The following CEP128 variants were observed in gnomAD, a reference collection of about 807,000 sequenced individuals.
The protein encoded by CEP128 is centrosomal protein 128, also known as centrosomal protein 128kDa.
CEP128 carries 132 observed loss-of-function variants against 156.7 expected under a neutral mutation model. That is an observed-to-expected ratio of 0.84 (90% CI 0.73 to 0.97). The LOEUF is 0.97. Ranked by LOEUF, CEP128 falls within the 50% of genes least tolerant of loss-of-function variation. The pLI is 0.00. For missense variants in CEP128, 1,252 were observed against 1,281.9 expected, an observed-to-expected ratio of 0.98 and a Z score of 0.36; for synonymous variants, 469 against 448.9, an observed-to-expected ratio of 1.04 and a Z score of -0.57.
chr14:80,830,754 C>T (rs1271108403), intron 13 of CEP128: 1 of 195,662 alleles, frequency 5.1e-6, no homozygotes, highest in African/African-American at 2.4e-5. Flanking sequence ...ATTGGTAACA[C>T]CTTTTCACTA....
intron 19 of CEP128, among the ~76,000 whole-genome samples, chr14:80,597,993 T>C (rs1053261375): frequency 3.4e-5 from 5 of 145,082 alleles, no homozygotes; most frequent in Non-Finnish European, 7.5e-5. Flanking sequence ...GCTAGCATTA[T>C]GCTAAATGGT....
chr14:80,932,592 C>T lies in CEP128; in HGVS notation c.-16+6793G>A, dbSNP rs182379143. Among the ~76,000 whole-genome samples, 1,279 of 152,174 alleles carry T rather than the reference C, an allele frequency of 8.4e-3. 14 individuals carry two copies. Among genetic ancestry groups the T allele is most frequent in the Non-Finnish European group, 0.01 (693 of 68,012 alleles). On this transcript the variant is annotated intron_variant, in intron 2 of 24. Transcript: ENST00000555265. ...AAATGAGACTACAGAGTAGAATGGACGTAAGCAACACACTTTGGGTGTCAC... is the reference window on the plus strand; with the variant it reads ...AAATGAGACTACAGAGTAGAATGGATGTAAGCAACACACTTTGGGTGTCAC...
At chr14:80,649,163 T>G (rs113157655) in intron 19 of CEP128, among the ~76,000 whole-genome samples, 2 of 151,274 alleles carry the variant, frequency 1.3e-5, no homozygotes. Flanking sequence ...TGAACAGGAG[T>G]GGGGAGAAGA....
At chr14:80,567,490 A>G (rs1890964098) in intron 20 of CEP128, among the ~76,000 whole-genome samples, 1 of 152,210 alleles carries the variant, frequency 6.6e-6, no homozygotes, top group South Asian at 2.1e-4. Context: ...TGAAACTGAC[A>G]CCAAAAATTC....
chr14:80,919,672 CT>C (rs1227382973), intron 2 of CEP128, among the ~76,000 whole-genome samples: 1 of 152,020 alleles, frequency 6.6e-6, no homozygotes, highest in Non-Finnish European at 1.5e-5. Flanking sequence ...GAATTTAACT[CT>C]AAAGCAGAAA....
intron 9 of CEP128, among the ~76,000 whole-genome samples, chr14:80,857,726 C>T (rs1240034702): frequency 6.7e-6 from 1 of 148,684 alleles, no homozygotes; most frequent in East Asian, 1.9e-4. Context: ...AACAGAGTGA[C>T]CCCATCTCAA....
At chr14:80,547,020 G>A (rs1890014040) in intron 21 of CEP128, among the ~76,000 whole-genome samples, 1 of 152,120 alleles carries the variant, frequency 6.6e-6, no homozygotes, top group Admixed American at 6.5e-5. Context: ...TTTAATAAAA[G>A]CTCTAAACAA....
At chr14:80,512,884 C>T (rs145668619) in intron 23 of CEP128, among the ~76,000 whole-genome samples, 1 of 152,184 alleles carries the variant, frequency 6.6e-6, no homozygotes, top group East Asian at 1.9e-4. Flanking sequence ...ACCCCTCCCA[C>T]TTTTAAATTT....
chr14:80,580,478 C>G (rs1384562571), intron 19 of CEP128, 55 bp from the exon 20 acceptor site: 12 of 786,294 alleles, frequency 1.5e-5, no homozygotes, highest in Non-Finnish European at 2.2e-5. Flanking sequence ...CGAGTTGCCT[C>G]TTATCATCAA....
chr14:80,549,174 G>A (rs1890110683), intron 21 of CEP128, among the ~76,000 whole-genome samples: 1 of 152,188 alleles, frequency 6.6e-6, no homozygotes, highest in South Asian at 2.1e-4. Context: ...GATCCCTCAT[G>A]AGAGATTCAT....
chr14:80,578,070 A>G (rs1173488125), intron 20 of CEP128, among the ~76,000 whole-genome samples: 2 of 152,162 alleles, frequency 1.3e-5, no homozygotes, highest in Non-Finnish European at 1.5e-5. Context: ...CTTACCTATG[A>G]CAAACAAGGA....
At chr14:80,812,980 C>T (rs1488882626) in intron 13 of CEP128, among the ~76,000 whole-genome samples, 1 of 152,116 alleles carries the variant, frequency 6.6e-6, no homozygotes, top group African/African-American at 2.4e-5. Flanking sequence ...TAATGTTGAG[C>T]ATCTTTTCAT....
Position 80,623,912 on chromosome 14 carries a change from CCTTT to C in CEP128, c.2807-43493_2807-43490del, listed in dbSNP as rs979723129. On this transcript the variant is annotated intron_variant, in intron 19 of 24. Coordinates refer to ENST00000555265, the MANE Select transcript of CEP128 (RefSeq NM_152446.5). ...CATATCCATCATCTTCGGCATTTAT[CCTTT>C]CTTTTTGTGGTGAGCATTCAAAATC... Among the ~76,000 whole-genome samples, 4 of 152,200 alleles carry C rather than the reference CCTTT, an allele frequency of 2.6e-5. 1 individual carries two copies. Among genetic ancestry groups the C allele is most frequent in the African/African-American group, 7.2e-5 (3 of 41,542 alleles).
chr14:80,865,008 A>G (rs1887700312), intron 8 of CEP128, among the ~76,000 whole-genome samples: 1 of 152,196 alleles, frequency 6.6e-6, no homozygotes, highest in African/African-American at 2.4e-5. Flanking sequence ...ACCATTTTGT[A>G]CATTAGCTCT....
chr14:80,953,534 A>T (rs747926559), intron 2 of CEP128, among the ~76,000 whole-genome samples: 5 of 152,170 alleles, frequency 3.3e-5, no homozygotes, highest in Non-Finnish European at 5.9e-5. Flanking sequence ...GCAGTGAGCC[A>T]AGATCGTGCC....
intron 6 of CEP128, among the ~76,000 whole-genome samples, chr14:80,901,154 C>A (rs1232222930): frequency 6.6e-6 from 1 of 150,808 alleles, no homozygotes; most frequent in Admixed American, 6.6e-5. Flanking sequence ...TGCAGTGAGC[C>A]GAGATCGCGC....
intron 13 of CEP128, among the ~76,000 whole-genome samples, chr14:80,814,408 A>G (rs1175629559): frequency 6.6e-6 from 1 of 152,114 alleles, no homozygotes; most frequent in Non-Finnish European, 1.5e-5. Flanking sequence ...TTTCTCTCAA[A>G]GAGAAGGACT....
chr14:80,515,261 T>C (rs2140229995), intron 23 of CEP128, among the ~76,000 whole-genome samples: 1 of 152,332 alleles, frequency 6.6e-6, no homozygotes, highest in African/African-American at 2.4e-5. Context: ...CCAGCCATGC[T>C]TGTGGCCTTT....
At chr14:80,630,685 A>C (rs1893923999) in intron 19 of CEP128, among the ~76,000 whole-genome samples, 1 of 152,054 alleles carries the variant, frequency 6.6e-6, no homozygotes. Flanking sequence ...ATTTCTGTTA[A>C]GTTCATATGA....
Sources: allele counts gnomAD v4.1 joint callset (sites outside exome capture counted in the v4.1 genomes callset), GRCh38; gene constraint gnomAD v4.1.1; transcripts MANE v1.5; gene names NCBI Gene and HGNC (gene_info 2026-07-23, HGNC 2026-07-21).